THBS4: variants seen among roughly 807,000 people sequenced by gnomAD.
The protein encoded by THBS4 is thrombospondin-4.
THBS4 carries 90 observed loss-of-function variants against 115.7 expected under a neutral mutation model. The observed-to-expected ratio is 0.78, with a 90% CI of 0.66 to 0.93. The LOEUF (loss-of-function observed/expected upper bound fraction) is 0.93, where lower values mean the gene tolerates loss of function less well. Among genes scored for constraint, THBS4 ranks in the 40% least tolerant of loss-of-function variants. The probability of loss-of-function intolerance (pLI) is 0.00; values close to 1 mark genes in which losing one functional copy is unlikely to be tolerated. For synonymous variants in THBS4, 460 were observed against 479.3 expected (o/e 0.96, Z 0.53); for missense variants, 1,087 against 1,232.7 (o/e 0.88, Z 1.77).
intron 2 of THBS4, among the ~76,000 whole-genome samples, chr5:80,044,560 C>G (rs1833001453): frequency 6.6e-6 from 1 of 152,008 alleles, no homozygotes. Flanking sequence ...GTAGCTGGAA[C>G]TACATGTGCG....
In THBS4 at chr5:80,076,954, T is replaced by A; in HGVS notation, c.1992T>A (p.Asp664Glu). Reference sequence around the variant, plus strand: ...AGGATGGAATTGGTGACGAGTGTGATGATGATGATGACAATGATGGTATCC... The same window carrying A: ...AGGATGGAATTGGTGACGAGTGTGAAGATGATGATGACAATGATGGTATCC... ...TDKDGIGDEC[D>E]DDDDNDGIPD... Residue 664 changes from aspartate to glutamate, a missense_variant, in exon 16 of 22, where the codon GAT becomes GAA. Coordinates refer to ENST00000350881, the MANE Select transcript of THBS4 (RefSeq NM_003248.6). The A allele has an allele frequency of 6.2e-7, 1 of 1,613,780 alleles. No individual in the cohort carries two copies. Among genetic ancestry groups the A allele is most frequent in the Non-Finnish European group, 8.5e-7 (1 of 1,179,904 alleles).
intron 1 of THBS4, among the ~76,000 whole-genome samples, chr5:80,038,674 T>A (rs1437537799): frequency 3.3e-5 from 5 of 152,186 alleles, no homozygotes; most frequent in Non-Finnish European, 7.4e-5. Context: ...AATTCTTTCC[T>A]AAATAGAAAT....
chr5:80,002,024 A>G (rs756808223), intron 2 of THBS4, among the ~76,000 whole-genome samples: 20 of 152,234 alleles, frequency 1.3e-4, no homozygotes, highest in South Asian at 6.2e-4. Context: ...TTATTTGGAA[A>G]AAGCCAGTGT....
At chr5:80,010,856 A>G (rs1832110427) in intron 2 of THBS4, among the ~76,000 whole-genome samples, 1 of 152,242 alleles carries the variant, frequency 6.6e-6, no homozygotes, top group African/African-American at 2.4e-5. Flanking sequence ...ACCTTGAATG[A>G]GATGACTTTT....
At chr5:80,035,140 G>A (rs1294267695), upstream of THBS4, among the ~76,000 whole-genome samples, 3 of 151,378 alleles carry the variant, frequency 2.0e-5, no homozygotes, top group African/African-American at 4.9e-5. The surrounding 1 kb of genome is among the most constrained non-coding windows in gnomAD (Gnocchi z 4.6). Flanking sequence ...CTCGCGCGTC[G>A]GGGCCGTGTC....
intron 15 of THBS4, 37 bp downstream of exon 15, chr5:80,073,364 A>G: frequency 6.2e-7 from 1 of 1,601,486 alleles, no homozygotes; most frequent in African/African-American, 1.3e-5. Flanking sequence ...AGACAGATGC[A>G]AACATCCGGA....
chr5:80,038,567 T>A (rs1832791663), intron 1 of THBS4, among the ~76,000 whole-genome samples: 1 of 152,142 alleles, frequency 6.6e-6, no homozygotes, highest in South Asian at 2.1e-4. Flanking sequence ...AGCCAAGCCC[T>A]TCTCTTTTTT....
intron 2 of THBS4, among the ~76,000 whole-genome samples, chr5:80,043,835 T>G (rs1832979348): frequency 6.6e-6 from 1 of 152,186 alleles, no homozygotes; most frequent in South Asian, 2.1e-4. Context: ...AGACCTCTAG[T>G]GGCCCCCTTT....
At chr5:79,993,419 T>C (rs1020904522) in intron 1 of THBS4, among the ~76,000 whole-genome samples, 2 of 152,184 alleles carry the variant, frequency 1.3e-5, no homozygotes, top group Non-Finnish European at 2.9e-5. Context: ...CTTCAGAAAT[T>C]ATGCCTGGTA....
intron 2 of THBS4, among the ~76,000 whole-genome samples, chr5:80,021,333 AAG>A (rs1191209788): frequency 6.6e-6 from 1 of 152,216 alleles, no homozygotes; most frequent in Non-Finnish European, 1.5e-5. Context: ...TCAGACATAA[AAG>A]AGATTTGCAA....
chr5:79,996,656 C>G (rs1338859857), intron 1 of THBS4, among the ~76,000 whole-genome samples: 1 of 152,074 alleles, frequency 6.6e-6, no homozygotes, highest in Non-Finnish European at 1.5e-5. Flanking sequence ...GGTGATCAGG[C>G]AGTAATATAT....
At chr5:80,066,094 C>CAAA (rs34135437) in intron 9 of THBS4, among the ~76,000 whole-genome samples, 49 of 80,652 alleles carry the variant, frequency 6.1e-4, no homozygotes, top group South Asian at 1.3e-3. Flanking sequence ...GACTCCCTCT[C>CAAA]AAAAAAAAAA....
chr5:80,083,087 C>T lies in THBS4; in HGVS notation c.2832C>T (p.Ile944=). 1.2e-6 allele frequency: 2 copies of T among 1,614,032 alleles called. No homozygotes were observed. The highest frequency in any genetic ancestry group is 1.7e-6 in the Non-Finnish European group (2 of 1,179,852). ...TGCCCATTCCTATTGCAGACACCAT[C>T]CCTGAGGACTTCCAAGAGTTTCAAA... ...SNLKYRCNDT[I]PEDFQEFQTQ... is the part of the protein sequence containing the mutation. Residue 944 remains isoleucine, a synonymous_variant, in exon 22 of 22, where the codon ATC becomes ATT. Transcript: ENST00000350881.
intron 1 of THBS4, among the ~76,000 whole-genome samples, chr5:80,039,804 A>G (rs529181841): frequency 2.6e-5 from 4 of 152,280 alleles, no homozygotes; most frequent in Admixed American, 1.3e-4. Context: ...TGTTCAGCCA[A>G]ACCCAATTAT....
intron 8 of THBS4, among the ~76,000 whole-genome samples, chr5:80,063,141 A>G (rs1289301619): frequency 6.6e-6 from 1 of 152,258 alleles, no homozygotes; most frequent in Non-Finnish European, 1.5e-5. Flanking sequence ...ACTAGTTTAC[A>G]GTCCCACCAA....
chr5:80,016,599 T>C (rs928841590), intron 2 of THBS4, among the ~76,000 whole-genome samples: 2 of 152,208 alleles, frequency 1.3e-5, no homozygotes, highest in African/African-American at 4.8e-5. Flanking sequence ...ACTGAGTTCT[T>C]CATAAATGAT....
chr5:80,079,182 T>C lies in THBS4; in HGVS notation c.2435T>C (p.Met812Thr), dbSNP rs763180359. ...YQDSSSFYVV[M>T]WKQTEQTYWQ... ...GATAGCTCCAGCTTCTACGTGGTCATGTGGAAGCAGACGGAGCAGACATAT... is the reference window on the plus strand; with the variant it reads ...GATAGCTCCAGCTTCTACGTGGTCACGTGGAAGCAGACGGAGCAGACATAT... The change falls in exon 19 of 22, where the codon ATG (methionine) becomes ACG (threonine). Residue 812 changes from methionine (M) to threonine (T), a missense_variant. This residue lies in a region of THBS4 where 979 missense variants were observed against 1,103.7 expected (regional missense o/e 0.89). Transcript: ENST00000350881. The C allele has an allele frequency of 1.9e-6, 3 of 1,614,214 alleles. No individual in the cohort carries two copies. The highest frequency in any genetic ancestry group is 2.5e-6 in the Non-Finnish European group (3 of 1,180,030).
intron 10 of THBS4, among the ~76,000 whole-genome samples, chr5:80,069,524 G>A (rs759191014): frequency 6.6e-5 from 10 of 152,158 alleles, no homozygotes; most frequent in Non-Finnish European, 1.3e-4. Context: ...TGGGTGATGG[G>A]GCTCTTAATA....
intron 1 of THBS4, among the ~76,000 whole-genome samples, chr5:79,992,781 G>A (rs970377099): frequency 6.6e-6 from 1 of 152,166 alleles, no homozygotes; most frequent in African/African-American, 2.4e-5. Context: ...AGAAATATAA[G>A]CAAAATACTA....
Sources: gnomAD v4.1 joint callset for allele counts (sites outside exome capture counted in the v4.1 genomes callset) on GRCh38, gnomAD v4.1.1 for gene constraint, gnomAD v4.1.1 regional missense constraint, Gnocchi (gnomAD v3.1) non-coding constraint, MANE v1.5 for transcripts, NCBI Gene and HGNC (gene_info 2026-07-23, HGNC 2026-07-21) for gene names.